Variants in KIF4A observed in about 807,000 individuals in gnomAD.
The protein encoded by KIF4A is kinesin family member 4A, also known as chromosome-associated kinesin KIF4A.
KIF4A carries 7 observed loss-of-function variants against 105.9 expected under a neutral mutation model. That is an observed-to-expected ratio of 0.07 (90% confidence interval 0.04 to 0.12). The LOEUF (loss-of-function observed/expected upper bound fraction) is 0.12, where lower values mean the gene tolerates loss of function less well. Among genes scored for constraint, KIF4A ranks in the 10% least tolerant of loss-of-function variants. KIF4A has a pLI of 1.00. For missense variants in KIF4A, 558 were observed against 929.2 expected, an observed-to-expected ratio of 0.60 and a Z score of 5.19; for synonymous variants, 281 against 331.3, an observed-to-expected ratio of 0.85 and a Z score of 1.65.
At chrX:70,298,961 T>C (rs2085794258) in intron 4 of KIF4A, 152 bp from the exon 5 acceptor site, 2 of 414,102 alleles carry the variant, frequency 4.8e-6, no homozygotes, top group Admixed American at 8.8e-5. Flanking sequence ...TATGGTCCTT[T>C]TCTTAATTCT....
intron 15 of KIF4A, among the ~76,000 whole-genome samples, chrX:70,360,950 G>A (rs759122801): frequency 8.9e-6 from 1 of 112,956 alleles, no homozygotes; most frequent in South Asian, 3.7e-4. Flanking sequence ...GAATGTGCAC[G>A]TTGGAAGGGC....
chrX:70,311,853 C>T (rs1484758185), intron 7 of KIF4A, among the ~76,000 whole-genome samples: 1 of 108,089 alleles, frequency 9.3e-6, no homozygotes. Flanking sequence ...GTAGTCCTAG[C>T]TGAGGCAGGA....
intron 15 of KIF4A, among the ~76,000 whole-genome samples, chrX:70,358,927 A>G (rs1263185814): frequency 8.9e-6 from 1 of 112,238 alleles, no homozygotes; most frequent in East Asian, 2.8e-4. Context: ...ACTTTTATTT[A>G]ATCCCTGTCA....
intron 15 of KIF4A, among the ~76,000 whole-genome samples, chrX:70,369,456 T>C (rs967270848): frequency 8.9e-6 from 1 of 112,249 alleles, no homozygotes; most frequent in Non-Finnish European, 1.9e-5. Flanking sequence ...CAATATCAAA[T>C]GTTGACAAGG....
intron 28 of KIF4A, among the ~76,000 whole-genome samples, chrX:70,413,636 A>AG (rs1467486039): frequency 1.0e-4 from 11 of 105,148 alleles, no homozygotes; most frequent in Non-Finnish European, 1.8e-4. Context: ...TCTCAAAAAA[A>AG]AAAAAAAAAG....
At chrX:70,363,811 C>A (rs765893162) in intron 15 of KIF4A, among the ~76,000 whole-genome samples, 45 of 111,968 alleles carry the variant, frequency 4.0e-4, no homozygotes, top group Admixed American at 7.6e-4. Context: ...CCTGAGGAAT[C>A]GCCACACTGA....
At chrX:70,370,912 T>C (rs1378854222) in intron 15 of KIF4A, among the ~76,000 whole-genome samples, 3 of 90,127 alleles carry the variant, frequency 3.3e-5, no homozygotes, top group African/African-American at 1.3e-4. Flanking sequence ...CTCCAGCCTA[T>C]GTGACAGAGC....
At chrX:70,304,649 C>CTTTTTTTTT (rs138222376) in intron 7 of KIF4A, among the ~76,000 whole-genome samples, 4 of 51,538 alleles carry the variant, frequency 7.8e-5, no homozygotes, top group Admixed American at 3.0e-4. Flanking sequence ...TACTTCATTC[C>CTTTTTTTTT]TTTTTTTTTT....
intron 7 of KIF4A, among the ~76,000 whole-genome samples, chrX:70,327,344 A>G (rs2085914756): frequency 9.0e-6 from 1 of 110,783 alleles, no homozygotes; most frequent in Non-Finnish European, 1.9e-5. Flanking sequence ...GAAGGAAAAA[A>G]ATAAGTGGAA....
intron 3 of KIF4A, among the ~76,000 whole-genome samples, 190 bp from the exon 4 acceptor site, chrX:70,296,808 T>C (rs1167393451): frequency 2.7e-5 from 3 of 112,447 alleles, no homozygotes; most frequent in South Asian, 7.3e-4. Context: ...TTTTTGTTTG[T>C]TTTTTGCTTA....
At chrX:70,366,652 G>A (rs1431094779) in intron 15 of KIF4A, among the ~76,000 whole-genome samples, 1 of 111,958 alleles carries the variant, frequency 8.9e-6, no homozygotes, top group Non-Finnish European at 1.9e-5. Context: ...CATTTGCTGA[G>A]GAGTGCTTTA....
At chrX:70,325,319 C>G (rs1218000817) in intron 7 of KIF4A, among the ~76,000 whole-genome samples, 1 of 111,098 alleles carries the variant, frequency 9.0e-6, no homozygotes, top group Non-Finnish European at 1.9e-5. Flanking sequence ...TCACTGTCAC[C>G]CAAGCTGGAG....
intron 18 of KIF4A, among the ~76,000 whole-genome samples, chrX:70,386,292 C>G (rs2086217392): frequency 9.0e-6 from 1 of 111,116 alleles, no homozygotes; most frequent in Non-Finnish European, 1.9e-5. Context: ...CAATAACTAC[C>G]TATGTGGAAA....
chrX:70,371,567 C>T (rs2086133256), intron 15 of KIF4A, among the ~76,000 whole-genome samples: 1 of 107,734 alleles, frequency 9.3e-6, no homozygotes, highest in Non-Finnish European at 1.9e-5. Flanking sequence ...CAGAGGCGCC[C>T]CTTACCTCCC....
intron 22 of KIF4A, among the ~76,000 whole-genome samples, chrX:70,400,161 A>C (rs889981006): frequency 3.7e-4 from 38 of 103,992 alleles, no homozygotes; most frequent in Non-Finnish European, 7.3e-4. Context: ...TCCCAATGCT[A>C]TCCCTCCCCC....
At chrX:70,310,730 C>G (rs2085846404) in intron 7 of KIF4A, among the ~76,000 whole-genome samples, 1 of 111,118 alleles carries the variant, frequency 9.0e-6, no homozygotes. Flanking sequence ...TTTGTATGCT[C>G]TGGTACAGTT....
rs199763386 is a variant in KIF4A at position 70,299,237 on chromosome X, A to AT, written c.516+38dup. ...TCTCTCATTTGATGTTATTAAAAAA[A>AT]TTTGGCAATTATAATACTAAAGTTC... On this transcript the variant is annotated intron_variant, in intron 5 of 30. Coordinates refer to ENST00000374403, the MANE Select transcript of KIF4A (RefSeq NM_012310.5). 408 of 1,124,935 alleles carry AT rather than the reference A, an allele frequency of 3.6e-4. 3 individuals carry two copies. The African/African-American group carries it at 6.4e-3, about 18-fold the overall frequency. The allele number at this position is 1,124,935 out of a possible 1,213,427, so 92.7% of individuals were successfully genotyped here.
At position 70,362,717 on chromosome X, in the gene KIF4A, A is replaced by G. The variant is rs1446057649; in HGVS notation, c.1674+8910A>G. Among the ~76,000 whole-genome samples the G allele has an allele frequency of 3.6e-5, 4 of 109,813 alleles. 1 individual carries two copies. The Admixed American group carries it at 3.9e-4, about 11-fold the overall frequency. ...TGGCTAATTTTTGTATTTTTAGTAG[A>G]GACAGGGTTTCACCATGTTGGCCAG... On this transcript the variant is annotated intron_variant, in intron 15 of 30. Coordinates refer to ENST00000374403, the MANE Select transcript of KIF4A (RefSeq NM_012310.5).
chrX:70,380,583 G>A (rs2086193685), intron 18 of KIF4A, among the ~76,000 whole-genome samples: 1 of 111,815 alleles, frequency 8.9e-6, no homozygotes, highest in African/African-American at 3.2e-5. Flanking sequence ...ACTTAATGGT[G>A]AAAAAGAGCA....
Sources: allele counts gnomAD v4.1 joint callset (sites outside exome capture counted in the v4.1 genomes callset), GRCh38; gene constraint gnomAD v4.1.1; transcripts MANE v1.5; gene names NCBI Gene and HGNC (gene_info 2026-07-23, HGNC 2026-07-21).